SSTR3: variants seen among roughly 807,000 people sequenced by gnomAD.
The protein encoded by SSTR3 is somatostatin receptor type 3.
For missense variants in SSTR3, 504 were observed against 604.7 expected (o/e 0.83, Z 1.75); for synonymous variants, 281 against 269.2 (o/e 1.04, Z -0.43).
upstream of SSTR3, among the ~76,000 whole-genome samples, chr22:37,214,978 GCAGCCTT>G (rs1926377304): frequency 6.6e-6 from 1 of 152,092 alleles, no homozygotes; most frequent in Admixed American, 6.6e-5. Flanking sequence ...CCCTGCTCTG[GCAGCCTT>G]CTCCAGAGCC....
At chr22:37,218,744 A>G in the SSTR3 span, among the ~76,000 whole-genome samples, 1 of 151,964 alleles carries the variant, frequency 6.6e-6, no homozygotes, top group Non-Finnish European at 1.5e-5. Flanking sequence ...CTCTGGCTGA[A>G]TACTCCTTGC....
chr22:37,212,586 C>T (rs550679524), upstream of SSTR3, among the ~76,000 whole-genome samples: 17 of 152,088 alleles, frequency 1.1e-4, no homozygotes, highest in Non-Finnish European at 2.1e-4. Flanking sequence ...ACCCTGTTAC[C>T]GGGGAGATTT....
chr22:37,214,904 G>A (rs1926373383), upstream of SSTR3, among the ~76,000 whole-genome samples: 2 of 152,054 alleles, frequency 1.3e-5, no homozygotes, highest in African/African-American at 2.4e-5. Flanking sequence ...AAACTCACCG[G>A]TGCCGCGAGT....
upstream of SSTR3, among the ~76,000 whole-genome samples, chr22:37,212,513 G>A (rs1310246209): frequency 6.6e-6 from 1 of 151,500 alleles, no homozygotes; most frequent in Non-Finnish European, 1.5e-5. Flanking sequence ...GAGCAGGTGT[G>A]GGGGGTGGGG....
the SSTR3 span, among the ~76,000 whole-genome samples, chr22:37,219,384 C>A: frequency 6.9e-6 from 1 of 144,442 alleles, no homozygotes; most frequent in African/African-American, 2.7e-5. Flanking sequence ...GTGTGAAGCA[C>A]ATAGTTAATA....
chr22:37,217,089 C>A (rs1239008519), upstream of SSTR3, among the ~76,000 whole-genome samples: 2 of 152,184 alleles, frequency 1.3e-5, no homozygotes, highest in African/African-American at 4.8e-5. Flanking sequence ...GCGTGAGCCA[C>A]CGCGCCTGGC....
chr22:37,211,566 T>C lies in SSTR3; in HGVS notation c.-37+259A>G, dbSNP rs556890374. On this transcript the variant is annotated intron_variant, in intron 1 of 1. Transcript: ENST00000610913. ...ACGTGAGCTGGGGAAGCCAACGACA[T>C]GATACATCTGGCTCCCTCCAGCCCT... Among the ~76,000 whole-genome samples the C allele has an allele frequency of 3.9e-5, 6 of 152,272 alleles. No homozygotes were observed. In the East Asian group the frequency reaches 1.2e-3, roughly 29 times the overall value.
At chr22:37,209,216 G>T (rs567935499) in intron 1 of SSTR3, among the ~76,000 whole-genome samples, 13 of 152,330 alleles carry the variant, frequency 8.5e-5, no homozygotes, top group South Asian at 2.1e-4. Flanking sequence ...GATGTGCAAA[G>T]CTCCTGGGAA....
Position 37,206,323 on chromosome 22 carries a change from C to T in SSTR3, c.*224G>A. The T allele has an allele frequency of 3.1e-6, 2 of 642,450 alleles. No homozygotes were observed. The highest frequency in any genetic ancestry group is 5.0e-6 in the Non-Finnish European group (2 of 397,724). The allele number at this position is 642,450 out of a possible 1,614,324, so 39.8% of individuals were successfully genotyped here. ...TCCAAACCTCTCATCTGACATAGCT[C>T]ATCCAGGCTGATGACTCCTATCCCT... On this transcript the variant is annotated 3_prime_UTR_variant, in exon 2 of 2. Transcript: ENST00000610913.
At chr22:37,209,909 G>T (rs1021820713) in intron 1 of SSTR3, among the ~76,000 whole-genome samples, 1 of 152,208 alleles carries the variant, frequency 6.6e-6, no homozygotes, top group Non-Finnish European at 1.5e-5. Flanking sequence ...TCTAAAAATA[G>T]AATTTTGAAT....
At chr22:37,215,626 C>A, upstream of SSTR3, 1 of 177,602 alleles carries the variant, frequency 5.6e-6, no homozygotes, top group East Asian at 1.5e-4. Context: ...AGTACCTTCC[C>A]AATCAAACAT....
At chr22:37,218,710 G>A in the SSTR3 span, among the ~76,000 whole-genome samples, 1 of 152,120 alleles carries the variant, frequency 6.6e-6, no homozygotes, top group Non-Finnish European at 1.5e-5. Context: ...CTGCCCTGTA[G>A]CGAATGTCTC....
rs4821600 is a variant in SSTR3 at position 37,211,417 on chromosome 22, G to T, written c.-37+408C>A. 1.3e-5 allele frequency among the ~76,000 whole-genome samples: 2 copies of T among 151,940 alleles called. 1 individual carries two copies. The highest frequency in any genetic ancestry group is 4.8e-5 in the African/African-American group (2 of 41,354). ...GACCTCGGGCAAGTCACTTCTCCCCGCTGCACCTCAGTTTCGTCATATGGA... is the reference window on the plus strand; with the variant it reads ...GACCTCGGGCAAGTCACTTCTCCCCTCTGCACCTCAGTTTCGTCATATGGA... On this transcript the variant is annotated intron_variant, in intron 1 of 1. Coordinates refer to ENST00000610913, the MANE Select transcript of SSTR3 (RefSeq NM_001051.5).
At chr22:37,216,758 G>A (rs937820680), upstream of SSTR3, among the ~76,000 whole-genome samples, 1 of 152,040 alleles carries the variant, frequency 6.6e-6, no homozygotes, top group Non-Finnish European at 1.5e-5. Context: ...CCTTTTTGAT[G>A]TTTTACTCTC....
rs769429577 is a variant in SSTR3, at chr22:37,212,076, C to T, written c.-288G>A. ...AGCCTGGTACGTCACCCCCCATCTCCAGGACACATCCTGGGGGGGCAGGGG... is the reference window on the plus strand; with the variant it reads ...AGCCTGGTACGTCACCCCCCATCTCTAGGACACATCCTGGGGGGGCAGGGG... On this transcript the variant is annotated 5_prime_UTR_variant, in exon 1 of 2. Coordinates refer to ENST00000610913, the MANE Select transcript of SSTR3 (RefSeq NM_001051.5). 4.1e-6 allele frequency: 4 copies of T among 985,738 alleles called. No individual in the cohort carries two copies. The highest frequency in any genetic ancestry group is 4.8e-6 in the Non-Finnish European group (4 of 830,244). 61.1% of individuals were successfully genotyped at this position (985,738 alleles called of 1,614,324 possible).
rs1926217517 is a variant in SSTR3, at chr22:37,211,970, T to C, written c.-182A>G. On this transcript the variant is annotated 5_prime_UTR_variant, in exon 1 of 2. Transcript: ENST00000610913. The stretch of plus-strand genomic sequence containing the variant: ...ACCCACTTCTAGACCGCTTGCGGGC[T>C]CAGGTTCCCTCCCAGGCCCTCGGCC... 6.1e-6 allele frequency: 6 copies of C among 985,476 alleles called. No individual in the cohort carries two copies. Among genetic ancestry groups the C allele is most frequent in the Non-Finnish European group, 2.4e-6 (2 of 830,112 alleles). The allele number at this position is 985,476 out of a possible 1,614,324, so 61.0% of individuals were successfully genotyped here.
chr22:37,207,952 A>T (rs1395144267), intron 1 of SSTR3, 113 bp from the exon 2 acceptor site: 1 of 1,342,922 alleles, frequency 7.4e-7, no homozygotes, highest in Admixed American at 3.5e-5. Flanking sequence ...CCATCGTCTG[A>T]GAGATTTCAG....
At chr22:37,217,663 T>C in the SSTR3 span, among the ~76,000 whole-genome samples, 750 of 143,014 alleles carry the variant, frequency 5.2e-3, 2 homozygotes, top group Middle Eastern at 0.014. Flanking sequence ...TTCCAAGAGC[T>C]CTCTCCTGTT....
At chr22:37,211,751 A>T in intron 1 of SSTR3, 74 bp downstream of exon 1, 6 of 985,320 alleles carry the variant, frequency 6.1e-6, no homozygotes, top group Non-Finnish European at 7.2e-6. Context: ...CAGCCTCCCA[A>T]GTTCATCCTG....
Sources: gnomAD v4.1 joint callset for allele counts (sites outside exome capture counted in the v4.1 genomes callset) on GRCh38, gnomAD v4.1.1 for gene constraint, MANE v1.5 for transcripts, NCBI Gene and HGNC (gene_info 2026-07-23, HGNC 2026-07-21) for gene names.